PAPPA: variants seen among roughly 807,000 people sequenced by gnomAD.
PAPPA encodes the protein pappalysin 1.
Under a neutral mutation model 164.0 loss-of-function variants are expected in PAPPA, and 60 were observed. The observed-to-expected ratio is 0.37, with a 90% confidence interval of 0.30 to 0.45. The LOEUF (loss-of-function observed/expected upper bound fraction) is 0.45. Ranked by LOEUF, PAPPA falls within the 20% of genes least tolerant of loss-of-function variation. The probability of loss-of-function intolerance (pLI) is 1.00; values close to 1 mark genes in which losing one functional copy is unlikely to be tolerated. For synonymous variants in PAPPA, 875 were observed against 814.1 expected (o/e 1.07, Z -1.27); for missense variants, 1,782 against 2,087.3 (o/e 0.85, Z 2.85).
At chr9:116,379,111 T>A (rs1263523019) in intron 20 of PAPPA, among the ~76,000 whole-genome samples, 1 of 152,196 alleles carries the variant, frequency 6.6e-6, no homozygotes, top group Non-Finnish European at 1.5e-5. Flanking sequence ...GACAGCGGAA[T>A]TCAATCCCTC....
At chr9:116,180,939 A>G (rs559034037) in intron 1 of PAPPA, among the ~76,000 whole-genome samples, 2 of 152,294 alleles carry the variant, frequency 1.3e-5, no homozygotes, top group African/African-American at 4.8e-5. Context: ...ATCTGTAAAT[A>G]GTACCTATTG....
chr9:116,263,019 T>A (rs1334460489), intron 7 of PAPPA, among the ~76,000 whole-genome samples: 1 of 152,228 alleles, frequency 6.6e-6, no homozygotes, highest in African/African-American at 2.4e-5. Context: ...TAGTAACTGC[T>A]GTACCCATCC....
intron 5 of PAPPA, among the ~76,000 whole-genome samples, chr9:116,221,412 A>T (rs1225772372): frequency 2.0e-5 from 3 of 152,214 alleles, no homozygotes. Context: ...AGTTAATATT[A>T]CTTTATTGTA....
At chr9:116,157,100 G>T (rs1403424762) in intron 1 of PAPPA, among the ~76,000 whole-genome samples, 1 of 152,214 alleles carries the variant, frequency 6.6e-6, no homozygotes, top group Non-Finnish European at 1.5e-5. Flanking sequence ...GTCAGGCCAG[G>T]CTGCCTTACA....
At chr9:116,256,236 A>C (rs1253590748) in intron 7 of PAPPA, among the ~76,000 whole-genome samples, 1 of 152,036 alleles carries the variant, frequency 6.6e-6, no homozygotes, top group African/African-American at 2.4e-5. Context: ...TTTGGTGAGA[A>C]GTATACAAAT....
At position 116,187,868 on chromosome 9, in the gene PAPPA, T is replaced by C; in HGVS notation, c.1130T>C (p.Phe377Ser). The C allele has an allele frequency of 6.2e-7, 1 of 1,614,170 alleles. No homozygotes were observed. The highest frequency in any genetic ancestry group is 8.5e-7 in the Non-Finnish European group (1 of 1,180,046). ...ACGGTGACGCGCGAGCAGGTGGACT[T>C]CCAGCACCATCAGCTGGCTGAGGCC... Reference protein sequence around the residue: ...NPTVTREQVDFQHHQLAEAFK... With the variant: ...NPTVTREQVDSQHHQLAEAFK... The change falls in exon 2 of 22, where the codon TTC (phenylalanine) becomes TCC (serine). Residue 377 changes from phenylalanine to serine, a missense_variant. Phe to Ser is a radical substitution (Grantham distance 155). Coordinates refer to ENST00000328252, the MANE Select transcript of PAPPA (RefSeq NM_002581.5). The surrounding 1 kb of genome is among the most constrained non-coding windows in gnomAD (Gnocchi z 4.2).
intron 13 of PAPPA, among the ~76,000 whole-genome samples, chr9:116,335,484 G>A (rs776323824): frequency 6.6e-6 from 1 of 152,074 alleles, no homozygotes; most frequent in African/African-American, 2.4e-5. Context: ...TAACCAAGGG[G>A]GATAGAGTGA....
intron 10 of PAPPA, among the ~76,000 whole-genome samples, chr9:116,311,056 CTTT>C (rs56043415): frequency 0.038 from 4,606 of 120,438 alleles, 96 homozygotes; most frequent in African/African-American, 0.073. Context: ...AACATGTGGA[CTTT>C]TTTTTTTTTT....
chr9:116,165,124 T>C (rs914650712), intron 1 of PAPPA, among the ~76,000 whole-genome samples: 2 of 152,206 alleles, frequency 1.3e-5, no homozygotes, highest in African/African-American at 4.8e-5. Flanking sequence ...AGCAAACAAC[T>C]TAGAATGTTA....
intron 6 of PAPPA, among the ~76,000 whole-genome samples, chr9:116,230,999 G>A (rs1463889846): frequency 6.6e-6 from 1 of 151,648 alleles, no homozygotes; most frequent in Non-Finnish European, 1.5e-5. Flanking sequence ...GAATATTTCA[G>A]GTGTGCTTAA....
chr9:116,197,809 G>A (rs1844125591), intron 2 of PAPPA, among the ~76,000 whole-genome samples: 1 of 152,082 alleles, frequency 6.6e-6, no homozygotes, highest in African/African-American at 2.4e-5. Context: ...GATTTGTATG[G>A]GACTATGGTC....
intron 7 of PAPPA, among the ~76,000 whole-genome samples, chr9:116,239,668 G>A (rs1027270930): frequency 6.6e-6 from 1 of 152,144 alleles, no homozygotes; most frequent in African/African-American, 2.4e-5. Context: ...AATTCAGAGA[G>A]TAATTAAACT....
intron 1 of PAPPA, among the ~76,000 whole-genome samples, chr9:116,171,591 C>T (rs1324006997): frequency 6.6e-6 from 1 of 152,036 alleles, no homozygotes; most frequent in African/African-American, 2.4e-5. Context: ...GTAGCTCAAA[C>T]AAGCCTCTGA....
chr9:116,194,273 G>T (rs889486453), intron 2 of PAPPA, among the ~76,000 whole-genome samples: 3 of 152,142 alleles, frequency 2.0e-5, no homozygotes, highest in African/African-American at 7.2e-5. Flanking sequence ...AGGAATAATA[G>T]TATCTGACTG....
At chr9:116,268,222 A>G (rs1006879501) in intron 8 of PAPPA, among the ~76,000 whole-genome samples, 5 of 152,326 alleles carry the variant, frequency 3.3e-5, no homozygotes, top group Admixed American at 1.3e-4. Context: ...TATTTAACAT[A>G]CAATGCTGTA....
intron 1 of PAPPA, among the ~76,000 whole-genome samples, chr9:116,156,322 A>ATATATATATGTGTATATATATATATG (rs767152790): frequency 0.014 from 1,315 of 96,238 alleles, 34 homozygotes; most frequent in African/African-American, 0.039. Flanking sequence ...ATATGTGTGT[A>ATATATATATGTGTATATATATATATG]TATATATATG....
intron 10 of PAPPA, among the ~76,000 whole-genome samples, chr9:116,311,225 A>T (rs1845714492): frequency 6.6e-6 from 1 of 152,124 alleles, no homozygotes; most frequent in Non-Finnish European, 1.5e-5. Flanking sequence ...TGATTCTGGT[A>T]TTTGGATTCA....
chr9:116,329,011 C>A (rs887664687), intron 10 of PAPPA, among the ~76,000 whole-genome samples: 28 of 152,166 alleles, frequency 1.8e-4, no homozygotes, highest in Non-Finnish European at 2.4e-4. Flanking sequence ...TATAATGCAA[C>A]CATGTGCTTT....
intron 2 of PAPPA, among the ~76,000 whole-genome samples, chr9:116,197,871 T>C (rs908939442): frequency 2.6e-5 from 4 of 152,268 alleles, no homozygotes; most frequent in African/African-American, 9.6e-5. Flanking sequence ...GATTATATAA[T>C]TCTTGATTTA....
Sources: allele counts gnomAD v4.1 joint callset (sites outside exome capture counted in the v4.1 genomes callset), GRCh38; gene constraint gnomAD v4.1.1; non-coding constraint Gnocchi (gnomAD v3.1); transcripts MANE v1.5; gene names NCBI Gene and HGNC (gene_info 2026-07-23, HGNC 2026-07-21).